The following FAM83H variants were observed in gnomAD, a reference collection of about 807,000 sequenced individuals.
FAM83H encodes protein FAM83H.
FAM83H carries 24 observed loss-of-function variants against 30.2 expected under a neutral mutation model. The observed-to-expected ratio is 0.79, with a 90% confidence interval of 0.57 to 1.12. FAM83H has a LOEUF of 1.12. Ranked by LOEUF, FAM83H falls within the 50% of genes most tolerant of loss-of-function variation. The pLI, the probability that FAM83H is intolerant of heterozygous loss-of-function variation, is 0.00. For synonymous variants in FAM83H, 1,013 were observed against 821.7 expected (o/e 1.23, Z -3.98); for missense variants, 2,038 against 1,773.9 (o/e 1.15, Z -2.67).
Position 143,725,602 on chromosome 8 carries a change from G to C in FAM83H, c.*319C>G, listed in dbSNP as rs373885136. The C allele has an allele frequency of 2.0e-6, 1 of 505,082 alleles. No individual in the cohort carries two copies. Among genetic ancestry groups the C allele is most frequent in the Non-Finnish European group, 3.6e-6 (1 of 280,140 alleles). 31.3% of individuals were successfully genotyped at this position (505,082 alleles called of 1,614,324 possible). ...TCAAAAAAATAAAGGGGGCGGGGGG[G>C]ACTGAGGCACAAAGAGATGGCGGAG... On this transcript the variant is annotated 3_prime_UTR_variant, in exon 5 of 5. Coordinates refer to ENST00000388913, the MANE Select transcript of FAM83H (RefSeq NM_198488.5).
In FAM83H at chr8:143,728,527, G is replaced by T; in HGVS notation, c.934C>A (p.Pro312Thr). ...YAGAGPLVGVPGVGAPTPFSF... is the reference protein window; with the variant it reads ...YAGAGPLVGVTGVGAPTPFSF... ...AAGGGGGTTGGCGCCCCGACCCCAG[G>T]GACGCCCACGAGAGGCCCGGCCCCG... Residue 312 changes from proline (P) to threonine (T), a missense_variant, in exon 5 of 5, where the codon CCT becomes ACT. Pro to Thr is a conservative substitution (Grantham distance 38). Transcript: ENST00000388913. The T allele has an allele frequency of 6.4e-7, 1 of 1,564,068 alleles. No homozygotes were observed. Among genetic ancestry groups the T allele is most frequent in the Non-Finnish European group, 8.7e-7 (1 of 1,154,652 alleles).
In FAM83H at chr8:143,727,114, G is replaced by C; in HGVS notation, c.2347C>G (p.Arg783Gly). 6.5e-7 allele frequency: 1 copy of C among 1,535,524 alleles called. No homozygotes were observed. The highest frequency in any genetic ancestry group is 1.4e-5 in the African/African-American group (1 of 73,140). The change falls in exon 5 of 5, where the codon CGC (arginine) becomes GGC (glycine). Residue 783 changes from arginine to glycine, a missense_variant. By Grantham distance (125) the Arg-to-Gly change is moderately radical. Coordinates refer to ENST00000388913, the MANE Select transcript of FAM83H (RefSeq NM_198488.5). ...AGCAGGCAGCTCTCGAGGCTGCGGC[G>C]CTCGCCCCCCACGGCACCTGGGGCC... ...VAAPGAVGGE[R>G]RSLESCLLDL...
rs1554621913 is a variant in FAM83H, at chr8:143,726,591, C to T, written c.2870G>A (p.Gly957Asp). 6.2e-7 allele frequency: 1 copy of T among 1,601,846 alleles called. No individual in the cohort carries two copies. The highest frequency in any genetic ancestry group is 1.1e-5 in the South Asian group (1 of 90,908). Reference sequence around the variant, plus strand: ...GCCTTTGCGCAGGACTTCCATGGGGCCGCTCGGCCCCTCCTCCGCGGGCCC... The same window carrying T: ...GCCTTTGCGCAGGACTTCCATGGGGTCGCTCGGCCCCTCCTCCGCGGGCCC... ...KAGPAEEGPS[G>D]PMEVLRKGSL... is the part of the protein sequence containing the mutation. The change falls in exon 5 of 5, where the codon GGC (glycine) becomes GAC (aspartate). Residue 957 changes from glycine to aspartate, a missense_variant. By Grantham distance (94) the Gly-to-Asp change is moderately conservative. Coordinates refer to ENST00000388913, the MANE Select transcript of FAM83H (RefSeq NM_198488.5).
rs1454317137 is a variant in FAM83H, at chr8:143,726,661, T to A, written c.2800A>T (p.Arg934Trp). The change falls in exon 5 of 5, where the codon AGG becomes TGG. Residue 934 changes from arginine to tryptophan, a missense_variant. Coordinates refer to ENST00000388913, the MANE Select transcript of FAM83H (RefSeq NM_198488.5). Reference protein sequence around the residue: ...SSPVPPVPERRGSLTLTISGE... With the variant: ...SSPVPPVPERWGSLTLTISGE... ...GAGATGGTAAGGGTGAGGCTGCCCC[T>A]GCGCTCCGGCACGGGGGGCACCGGA... 2.5e-6 allele frequency: 4 copies of A among 1,595,074 alleles called. No homozygotes were observed. The highest frequency in any genetic ancestry group is 3.4e-6 in the Non-Finnish European group (4 of 1,175,758).
rs932823910 is a variant in FAM83H, at chr8:143,724,578, G to A, written c.*1343C>T. The A allele has an allele frequency of 6.6e-6, 1 of 152,208 alleles. No homozygotes were observed. The highest frequency in any genetic ancestry group is 1.5e-5 in the Non-Finnish European group (1 of 68,058). 9.4% of individuals were successfully genotyped at this position (152,208 alleles called of 1,614,324 possible). A position where few individuals can be genotyped will look rare whatever the true frequency, so the allele number is the denominator to read the frequency against. ...ACAAAGAGGAAAGGACCTGAGAATG[G>A]GGCTGGTGGGGAGAGGGGGGTGTCT... On this transcript the variant is annotated 3_prime_UTR_variant, in exon 5 of 5. Transcript: ENST00000388913.
At chr8:143,732,438 T>C in intron 1 of FAM83H, 4 of 985,374 alleles carry the variant, frequency 4.1e-6, no homozygotes, top group Non-Finnish European at 4.8e-6. Flanking sequence ...GGGCGGTGTC[T>C]GACCATACAG....
rs782559001 is a variant in FAM83H, at chr8:143,730,627, G to C, written c.-15-30C>G. On this transcript the variant is annotated intron_variant, in intron 1 of 4. Transcript: ENST00000388913. ...AGGGGCAGGGAGACACATGACTAGG[G>C]GTGGGGGCACTGGGACCACTCCTAC... The C allele has an allele frequency of 5.3e-5, 76 of 1,440,164 alleles. No individual in the cohort carries two copies. The South Asian group carries it at 9.9e-4, about 19-fold the overall frequency. 89.2% of individuals were successfully genotyped at this position (1,440,164 alleles called of 1,614,324 possible). A position where few individuals can be genotyped will look rare whatever the true frequency, so the allele number is the denominator to read the frequency against.
rs1554622448 is a variant in FAM83H, at chr8:143,727,284, A to G, written c.2177T>C (p.Val726Ala). Residue 726 changes from valine to alanine, a missense_variant, in exon 5 of 5, where the codon GTG becomes GCG. Coordinates refer to ENST00000388913, the MANE Select transcript of FAM83H (RefSeq NM_198488.5). Reference protein sequence around the residue: ...SETLGPGGEAVRSAASTKVAE... With the variant: ...SETLGPGGEAARSAASTKVAE... ...CACCTTGGTGGAAGCCGCGGAGCGC[A>G]CGGCCTCTCCGCCGGGCCCCAGCGT... is the stretch of plus-strand genomic sequence containing the variant. The G allele has an allele frequency of 1.3e-6, 2 of 1,536,512 alleles. No homozygotes were observed. Among genetic ancestry groups the G allele is most frequent in the South Asian group, 1.2e-5 (1 of 84,210 alleles).
In FAM83H at chr8:143,729,216, G is replaced by A. The variant is rs199778121; in HGVS notation, c.555C>T (p.Asn185=). The part of the protein sequence containing the change: ...VPVYILLDEM[N]AQHFLDMADK... Reference sequence around the variant, plus strand: ...CGGCCATGTCCAGGAAGTGCTGCGCGTTCATCTCATCCAGCAGGATGTAGA... The same window carrying A: ...CGGCCATGTCCAGGAAGTGCTGCGCATTCATCTCATCCAGCAGGATGTAGA... The change falls in exon 3 of 5, where the codon AAC becomes AAT. Residue 185 remains asparagine, a synonymous_variant. Transcript: ENST00000388913. 2.9e-5 allele frequency: 47 copies of A among 1,613,494 alleles called. No individual in the cohort carries two copies. The highest frequency in any genetic ancestry group is 6.6e-5 in the South Asian group (6 of 91,084).
chr8:143,731,692 C>T (rs1486762484), intron 1 of FAM83H: 4 of 985,368 alleles, frequency 4.1e-6, no homozygotes, highest in Non-Finnish European at 2.4e-6. Context: ...TCCACATCGC[C>T]CAAATCTGGC....
chr8:143,728,558 C>G lies in FAM83H; in HGVS notation c.903G>C (p.Pro301=), dbSNP rs368415216. The change falls in exon 5 of 5, where the codon CCG becomes CCC. Residue 301 remains proline, a synonymous_variant. Coordinates refer to ENST00000388913, the MANE Select transcript of FAM83H (RefSeq NM_198488.5). ...LARMDAYALA[P]YAGAGPLVGV... is the part of the protein sequence containing the mutation. ...CCACGAGAGGCCCGGCCCCGGCATACGGAGCCAGGGCATAGGCGTCCATGC... is the reference window on the plus strand; with the variant it reads ...CCACGAGAGGCCCGGCCCCGGCATAGGGAGCCAGGGCATAGGCGTCCATGC... 3.0e-5 allele frequency: 47 copies of G among 1,585,026 alleles called. 1 individual carries two copies. In the African/African-American group the frequency reaches 5.8e-4, roughly 20 times the overall value.
At chr8:143,732,905 T>TCAGCTGGCCTTCAAGGACCCC (rs1161198217) in intron 1 of FAM83H, among the ~76,000 whole-genome samples, 2 of 151,860 alleles carry the variant, frequency 1.3e-5, no homozygotes, top group Non-Finnish European at 2.9e-5. Context: ...GTCAGGGCCC[T>TCAGCTGGCCTTCAAGGACCCC]CAGCTGGCCT....
rs1554623350 is a variant in FAM83H at position 143,728,370 on chromosome 8, C to A, written c.1091G>T (p.Gly364Val). The A allele has an allele frequency of 1.9e-6, 3 of 1,543,912 alleles. No homozygotes were observed. The highest frequency in any genetic ancestry group is 2.8e-5 in the African/African-American group (2 of 72,686). ...CCCCGCGTGCGGTTCCAGCGCGCCC[C>A]CCGGCATCCGCGGCGGCTCCTCCCG... Reference protein sequence around the residue: ...FRREEPPRMPGGALEPHAGLR... With the variant: ...FRREEPPRMPVGALEPHAGLR... Residue 364 changes from glycine (G) to valine (V), a missense_variant, in exon 5 of 5, where the codon GGG becomes GTG. Transcript: ENST00000388913.
In FAM83H at chr8:143,726,752, G is replaced by A. The variant is rs1818310855; in HGVS notation, c.2709C>T (p.Ser903=). ...TGCGCTCGGGGTAGGCTGAGGTGGG[G>A]CTCCCCTTCTGCTCGATAAATCCTG... The part of the protein sequence containing the change: ...PTTGFIEQKG[S]PTSAYPERRG... The change falls in exon 5 of 5, where the codon AGC becomes AGT. Residue 903 remains serine, a synonymous_variant. Transcript: ENST00000388913. 2.5e-6 allele frequency: 4 copies of A among 1,611,772 alleles called. 1 individual carries two copies. The Admixed American group carries it at 6.7e-5, about 27-fold the overall frequency.
In FAM83H at chr8:143,727,685, G is replaced by C. The variant is rs77921406; in HGVS notation, c.1776C>G (p.Gly592=). ...GTAGGCCGTCGTCGCCCCCATCCTC[G>C]CCGTGGCAGCCGCTCAAGTAGGAGG... The part of the protein sequence containing the change: ...RLASYLSGCH[G]EDGGDDGLPA... Residue 592 remains glycine (G), a synonymous_variant, in exon 5 of 5, where the codon GGC becomes GGG. Transcript: ENST00000388913. The C allele has an allele frequency of 4.5e-3, 7,045 of 1,561,386 alleles. 50 individuals carry two copies. The highest frequency in any genetic ancestry group is 0.03 in the African/African-American group (2,196 of 72,618).
In FAM83H at chr8:143,726,972, C is replaced by T. The variant is rs782023240; in HGVS notation, c.2489G>A (p.Arg830His). 22 of 1,602,400 alleles carry T rather than the reference C, an allele frequency of 1.4e-5. No individual in the cohort carries two copies. In the East Asian group the frequency reaches 4.7e-4, roughly 34 times the overall value. ...GGCAGAGAGGAAGCGGGAAGGCAGGCGGTCGGAGCCGCTCCGGCCCAGTGT... is the reference window on the plus strand; with the variant it reads ...GGCAGAGAGGAAGCGGGAAGGCAGGTGGTCGGAGCCGCTCCGGCCCAGTGT... ...LDTLGRSGSD[R>H]LPSRFLSAQS... Residue 830 changes from arginine to histidine, a missense_variant, in exon 5 of 5, where the codon CGC becomes CAC. By Grantham distance (29) the Arg-to-His change is conservative. Transcript: ENST00000388913.
rs1818332905 is a variant in FAM83H, at chr8:143,727,206, G to GCGC, written c.2252_2254dup (p.Gly751dup). ...GTGGCTGGCAACGGTGATGGCGCCC[G>GCGC]CGCCGCCGCCGGGATCACGGGCTGG... On this transcript the variant is annotated inframe_insertion, in exon 5 of 5. Transcript: ENST00000388913. 2 of 1,533,254 alleles carry GCGC rather than the reference G, an allele frequency of 1.3e-6. No homozygotes were observed. The highest frequency in any genetic ancestry group is 1.7e-6 in the Non-Finnish European group (2 of 1,145,410). 95.0% of individuals were successfully genotyped at this position (1,533,254 alleles called of 1,614,324 possible). A position where few individuals can be genotyped will look rare whatever the true frequency, so the allele number is the denominator to read the frequency against.
In FAM83H at chr8:143,729,248, C is replaced by G; in HGVS notation, c.523G>C (p.Val175Leu). The change falls in exon 3 of 5, where the codon GTC becomes CTC. Residue 175 changes from valine (V) to leucine (L), a missense_variant. Coordinates refer to ENST00000388913, the MANE Select transcript of FAM83H (RefSeq NM_198488.5). ...SEVLEAAARR[V>L]PVYILLDEMN... ...TCATCCAGCAGGATGTAGACTGGGA[C>G]CCGACGGGCCGCGGCCTCCAGCACT... 1 of 1,613,344 alleles carries G rather than the reference C, an allele frequency of 6.2e-7. No homozygotes were observed. Among genetic ancestry groups the G allele is most frequent in the Non-Finnish European group, 8.5e-7 (1 of 1,180,008 alleles).
rs371890336 is a variant in FAM83H, at chr8:143,728,212, C to T, written c.1249G>A (p.Ala417Thr). 35 of 1,597,170 alleles carry T rather than the reference C, an allele frequency of 2.2e-5. No homozygotes were observed. The highest frequency in any genetic ancestry group is 3.3e-5 in the South Asian group (3 of 90,074). The change falls in exon 5 of 5, where the codon GCG becomes ACG. Residue 417 changes from alanine to threonine, a missense_variant. By Grantham distance (58) the Ala-to-Thr change is moderately conservative. Transcript: ENST00000388913. ...GCCGCGAAGTTCTCCACGGCGCCCG[C>T]GCCCTCGGTCGCGAAGCTGTGCCGC... ...FKRHSFATEGAGAVENFAAAR... is the reference protein window; with the variant it reads ...FKRHSFATEGTGAVENFAAAR...
Sources: gnomAD v4.1 joint callset for allele counts (sites outside exome capture counted in the v4.1 genomes callset) on GRCh38, gnomAD v4.1.1 for gene constraint, MANE v1.5 for transcripts, NCBI Gene and HGNC (gene_info 2026-07-23, HGNC 2026-07-21) for gene names.